The following FOXJ3 variants were observed in gnomAD, a reference collection of about 807,000 sequenced individuals.
FOXJ3 encodes the protein forkhead box protein J3.
Under a neutral mutation model 76.1 loss-of-function variants are expected in FOXJ3, and 22 were observed. The observed-to-expected ratio is 0.29, with a 90% CI of 0.21 to 0.41. The LOEUF (loss-of-function observed/expected upper bound fraction) is 0.41. Among genes scored for constraint, FOXJ3 ranks in the 10% least tolerant of loss-of-function variants. The probability of loss-of-function intolerance (pLI) is 1.00; values close to 1 mark genes in which losing one functional copy is unlikely to be tolerated. For synonymous variants in FOXJ3, 269 were observed against 261.2 expected (o/e 1.03, Z -0.29); for missense variants, 613 against 762.1 (o/e 0.80, Z 2.30).
chr1:42,283,647 A>T (rs1303055237), intron 2 of FOXJ3, among the ~76,000 whole-genome samples: 1 of 152,140 alleles, frequency 6.6e-6, no homozygotes, highest in Non-Finnish European at 1.5e-5. Flanking sequence ...TCATCTTAAG[A>T]CCTGCGGCAC....
intron 4 of FOXJ3, among the ~76,000 whole-genome samples, chr1:42,261,430 A>T (rs1651031167): frequency 6.6e-6 from 1 of 152,090 alleles, no homozygotes; most frequent in Non-Finnish European, 1.5e-5. Context: ...GTGGTAACAT[A>T]GCTGCTTGAA....
intron 3 of FOXJ3, among the ~76,000 whole-genome samples, chr1:42,276,340 A>G (rs930692447): frequency 2.0e-5 from 3 of 152,074 alleles, no homozygotes; most frequent in African/African-American, 7.2e-5. Context: ...TGGACAACAA[A>G]GCAAGACTCT....
intron 3 of FOXJ3, among the ~76,000 whole-genome samples, chr1:42,273,123 C>A (rs1651984324): frequency 6.6e-6 from 1 of 152,330 alleles, no homozygotes; most frequent in Middle Eastern, 3.4e-3. Flanking sequence ...GTCACATACA[C>A]AATGGATATT....
intron 2 of FOXJ3, among the ~76,000 whole-genome samples, chr1:42,302,891 T>C (rs1274237900): frequency 6.7e-6 from 1 of 150,264 alleles, no homozygotes; most frequent in Non-Finnish European, 1.5e-5. Flanking sequence ...AATTTCTCCA[T>C]CTCCCTGAAA....
intron 2 of FOXJ3, among the ~76,000 whole-genome samples, chr1:42,292,522 G>T (rs145535824): frequency 2.6e-5 from 4 of 152,204 alleles, no homozygotes; most frequent in Non-Finnish European, 4.4e-5. Flanking sequence ...TCAAAATAAT[G>T]AAACAAAACC....
chr1:42,328,601 A>C (rs1245137257), intron 1 of FOXJ3, among the ~76,000 whole-genome samples: 5 of 151,836 alleles, frequency 3.3e-5, no homozygotes, highest in Non-Finnish European at 5.9e-5. Context: ...CGAGGCCTTT[A>C]TTAATAGTCT....
At chr1:42,219,071 T>A (rs1030038874) in intron 5 of FOXJ3, among the ~76,000 whole-genome samples, 1 of 152,054 alleles carries the variant, frequency 6.6e-6, no homozygotes, top group African/African-American at 2.4e-5. Context: ...AGTTCAGGAG[T>A]CCTCTCTTTT....
At chr1:42,227,657 T>C (rs186858378) in intron 5 of FOXJ3, among the ~76,000 whole-genome samples, 1 of 152,226 alleles carries the variant, frequency 6.6e-6, no homozygotes, top group East Asian at 1.9e-4. Flanking sequence ...AAACGACACC[T>C]GCGCCCTAAT....
At chr1:42,217,057 G>A (rs773378460) in intron 5 of FOXJ3, among the ~76,000 whole-genome samples, 34 of 152,180 alleles carry the variant, frequency 2.2e-4, no homozygotes, top group Non-Finnish European at 3.8e-4. Flanking sequence ...CTGGGGTGGA[G>A]GGGAGGAGAG....
rs373733061 is a variant in FOXJ3, at chr1:42,215,185, A to C, written c.529-9322T>G. Among the ~76,000 whole-genome samples, 16 of 152,352 alleles carry C rather than the reference A, an allele frequency of 1.1e-4. No individual in the cohort carries two copies. The East Asian group carries it at 2.7e-3, about 26-fold the overall frequency. On this transcript the variant is annotated intron_variant, in intron 5 of 12. Transcript: ENST00000361346. ...ACTCCAAAAAAGACTGAGTTGCTGG[A>C]ATTATGAGACAAGGATTTTAAAACA...
At chr1:42,287,312 C>T (rs185839341) in intron 2 of FOXJ3, among the ~76,000 whole-genome samples, 167 of 152,072 alleles carry the variant, frequency 1.1e-3, no homozygotes, top group African/African-American at 3.6e-3. Context: ...TGCACTCCAG[C>T]CTGGGTGACA....
intron 2 of FOXJ3, among the ~76,000 whole-genome samples, chr1:42,281,364 G>A (rs1298107177): frequency 6.6e-6 from 1 of 152,152 alleles, no homozygotes; most frequent in East Asian, 1.9e-4. Flanking sequence ...CTAAAGCCTT[G>A]AGGGTAAAGA....
At position 42,177,518 on chromosome 1, in the gene FOXJ3, T is replaced by C. The variant is rs1402927178; in HGVS notation, c.*2192A>G. On this transcript the variant is annotated 3_prime_UTR_variant, in exon 13 of 13. Transcript: ENST00000361346. Reference sequence around the variant, plus strand: ...AAAATCACCCCTCTTTTTTCAAGCATTTACTCTGCAGGCTGCCATCTCATC... The same window carrying C: ...AAAATCACCCCTCTTTTTTCAAGCACTTACTCTGCAGGCTGCCATCTCATC... 2 of 152,538 alleles carry C rather than the reference T, an allele frequency of 1.3e-5. No homozygotes were observed. The highest frequency in any genetic ancestry group is 2.9e-5 in the Non-Finnish European group (2 of 68,026). The allele number at this position is 152,538 out of a possible 1,614,324, so 9.4% of individuals were successfully genotyped here. A position where few individuals can be genotyped will look rare whatever the true frequency, so the allele number is the denominator to read the frequency against.
In FOXJ3 at chr1:42,191,309, T is replaced by C; in HGVS notation, c.1345A>G (p.Asn449Asp). The change falls in exon 9 of 13, where the codon AAT becomes GAT. Residue 449 changes from asparagine (N) to aspartate (D), a missense_variant. This residue lies in a region of FOXJ3 where 526 missense variants were observed against 601.4 expected (regional missense o/e 0.87). Transcript: ENST00000361346. ...APPPPQQVSC[N>D]SGVSNDWYAT... ...CCAGGAGACAAAAACTTACCAGAAT[T>C]ACAGGATACCTGTTGTGGGGGTGGG... 6.5e-7 allele frequency: 1 copy of C among 1,537,096 alleles called. No individual in the cohort carries two copies. The highest frequency in any genetic ancestry group is 8.8e-7 in the Non-Finnish European group (1 of 1,138,258).
chr1:42,276,959 C>T (rs1313421991), intron 3 of FOXJ3, among the ~76,000 whole-genome samples: 1 of 152,190 alleles, frequency 6.6e-6, no homozygotes, highest in Non-Finnish European at 1.5e-5. Flanking sequence ...AATCCTCTTG[C>T]CTTCACCTCT....
chr1:42,220,708 T>A (rs1301589161), intron 5 of FOXJ3, among the ~76,000 whole-genome samples: 9 of 152,110 alleles, frequency 5.9e-5, no homozygotes, highest in Admixed American at 5.9e-4. Context: ...GAGTCCCCAA[T>A]GAGATCGAGC....
chr1:42,278,495 G>C lies in FOXJ3; in HGVS notation c.222C>G (p.His74Gln). The change falls in exon 3 of 13, where the codon CAC becomes CAG. Residue 74 changes from histidine to glutamine, a missense_variant. His to Gln is a conservative substitution (Grantham distance 24). This residue lies in a region of FOXJ3 where 77 missense variants were observed against 115.1 expected (regional missense o/e 0.67). Coordinates refer to ENST00000361346, the MANE Select transcript of FOXJ3 (RefSeq NM_014947.5). ...TTLDQEEVQQ[H>Q]KDGKPPYSYA... is the part of the protein sequence containing the mutation. ...AACTGTATGGAGGTTTCCCATCTTT[G>C]TGCTGTTGGACTTCTTCCTGGTCCA... The C allele has an allele frequency of 6.2e-7, 1 of 1,614,106 alleles. No individual in the cohort carries two copies. The highest frequency in any genetic ancestry group is 8.5e-7 in the Non-Finnish European group (1 of 1,180,010).
At chr1:42,262,203 A>C (rs1189426305) in intron 4 of FOXJ3, among the ~76,000 whole-genome samples, 2 of 152,236 alleles carry the variant, frequency 1.3e-5, no homozygotes, top group East Asian at 1.9e-4. Context: ...TCCTGGTGAT[A>C]TAATTTAAGA....
intron 7 of FOXJ3, among the ~76,000 whole-genome samples, chr1:42,195,776 G>A (rs1385866766): frequency 2.0e-5 from 3 of 152,214 alleles, no homozygotes; most frequent in Non-Finnish European, 2.9e-5. Flanking sequence ...CTGCAATAAC[G>A]TGGAAAAATA....
Sources: gnomAD v4.1 joint callset for allele counts (sites outside exome capture counted in the v4.1 genomes callset) on GRCh38, gnomAD v4.1.1 for gene constraint, gnomAD v4.1.1 regional missense constraint, MANE v1.5 for transcripts, NCBI Gene and HGNC (gene_info 2026-07-23, HGNC 2026-07-21) for gene names.